Variants in MYOZ2 observed in about 807,000 individuals in gnomAD.
MYOZ2 encodes the protein myozenin 2, also known as myozenin-2.
MYOZ2 carries 19 observed loss-of-function variants against 25.4 expected under a neutral mutation model. That is an observed-to-expected ratio of 0.75 (90% CI 0.52 to 1.10). The LOEUF is 1.10. Among genes scored for constraint, MYOZ2 ranks in the 50% least tolerant of loss-of-function variants. The pLI is 0.00. For missense variants in MYOZ2, 270 were observed against 317.9 expected (o/e 0.85, Z 1.15); for synonymous variants, 92 against 106.9 (o/e 0.86, Z 0.86).
At chr4:119,157,315 C>G (rs928591094) in intron 3 of MYOZ2, among the ~76,000 whole-genome samples, 2 of 152,098 alleles carry the variant, frequency 1.3e-5, no homozygotes, top group African/African-American at 2.4e-5. Flanking sequence ...ACTACGATGT[C>G]TATTTTTTTC....
chr4:119,175,145 C>G (rs556802620), intron 5 of MYOZ2, among the ~76,000 whole-genome samples: 5 of 151,480 alleles, frequency 3.3e-5, no homozygotes, highest in African/African-American at 1.2e-4. Context: ...CACCAATTCC[C>G]GACACAGTAG....
At chr4:119,162,299 G>A (rs1741727140) in intron 4 of MYOZ2, among the ~76,000 whole-genome samples, 1 of 152,144 alleles carries the variant, frequency 6.6e-6, no homozygotes, top group Non-Finnish European at 1.5e-5. Context: ...GAGGCTGGAC[G>A]GGCTTAAGGG....
intron 5 of MYOZ2, among the ~76,000 whole-genome samples, chr4:119,183,241 A>C (rs1165135941): frequency 6.6e-6 from 1 of 152,136 alleles, no homozygotes; most frequent in Non-Finnish European, 1.5e-5. Context: ...GATATAATGA[A>C]AGATATAAAA....
intron 2 of MYOZ2, among the ~76,000 whole-genome samples, chr4:119,146,202 T>G (rs915895325): frequency 2.0e-5 from 3 of 152,092 alleles, no homozygotes; most frequent in Non-Finnish European, 4.4e-5. Flanking sequence ...TTCTCTGTTG[T>G]TTTTCTGTTT....
chr4:119,182,116 T>C (rs1742194805), intron 5 of MYOZ2, among the ~76,000 whole-genome samples: 1 of 152,212 alleles, frequency 6.6e-6, no homozygotes, highest in Non-Finnish European at 1.5e-5. Flanking sequence ...TGTCAAATTA[T>C]ATTGCAAGTT....
chr4:119,141,524 A>C (rs1741158389), intron 2 of MYOZ2, among the ~76,000 whole-genome samples: 1 of 152,150 alleles, frequency 6.6e-6, no homozygotes, highest in Non-Finnish European at 1.5e-5. Context: ...CTGGAATTAC[A>C]GGTGCCTGCC....
At position 119,170,430 on chromosome 4, in the gene MYOZ2, T is replaced by TAG. The variant is rs1410724477; in HGVS notation, c.560+6039_560+6040dup. Among the ~76,000 whole-genome samples the TAG allele has an allele frequency of 2.0e-5, 3 of 152,208 alleles. No homozygotes were observed. The East Asian group carries it at 5.8e-4, about 29-fold the overall frequency. ...ATTGTGATTGGGCAGGGACCATGGA[T>TAG]AGAGCTCTGGAGTGGCTCTTGATAT... On this transcript the variant is annotated intron_variant, in intron 5 of 5. Coordinates refer to ENST00000307128, the MANE Select transcript of MYOZ2 (RefSeq NM_016599.5).
At chr4:119,155,490 C>T (rs577846511) in intron 3 of MYOZ2, among the ~76,000 whole-genome samples, 8 of 152,092 alleles carry the variant, frequency 5.3e-5, no homozygotes, top group South Asian at 2.1e-4. Flanking sequence ...AGAAAGAAGA[C>T]GGAAATTCTA....
intron 5 of MYOZ2, among the ~76,000 whole-genome samples, chr4:119,175,372 G>T (rs768409083): frequency 3.3e-5 from 5 of 152,054 alleles, no homozygotes; most frequent in African/African-American, 9.7e-5. Flanking sequence ...TTCATTTCTG[G>T]AATAAATAAA....
Position 119,185,971 on chromosome 4 carries a change from C to T in MYOZ2, c.566C>T (p.Ala189Val), listed in dbSNP as rs775850657. Residue 189 changes from alanine to valine, a missense_variant, in exon 6 of 6, where the codon GCC becomes GTC. By Grantham distance (64) the Ala-to-Val change is moderately conservative. Coordinates refer to ENST00000307128, the MANE Select transcript of MYOZ2 (RefSeq NM_016599.5). The part of the protein sequence containing the change: ...LPDYRSFNRV[A>V]TPFGGFEKAS... ...TTTTTTTTAATTTCCCACAGGGTTG[C>T]CACACCATTTGGAGGTTTTGAAAAA... The T allele has an allele frequency of 2.5e-6, 4 of 1,612,438 alleles. No individual in the cohort carries two copies. Among genetic ancestry groups the T allele is most frequent in the Non-Finnish European group, 3.4e-6 (4 of 1,179,334 alleles).
At position 119,153,169 on chromosome 4, in the gene MYOZ2, C is replaced by T. The variant is rs944180317; in HGVS notation, c.246+2128C>T. On this transcript the variant is annotated intron_variant, in intron 3 of 5. Transcript: ENST00000307128. The stretch of plus-strand genomic sequence containing the variant: ...TGTCTTTAATGATCTGTGTGTTGCC[C>T]GATCTTAATTCAAAAAATTACCTGC... Among the ~76,000 whole-genome samples, 3 of 151,664 alleles carry T rather than the reference C, an allele frequency of 2.0e-5. No individual in the cohort carries two copies. The East Asian group carries it at 5.8e-4, about 29-fold the overall frequency.
At chr4:119,165,191 C>G (rs536868636) in intron 5 of MYOZ2, among the ~76,000 whole-genome samples, 50 of 150,662 alleles carry the variant, frequency 3.3e-4, no homozygotes, top group African/African-American at 1.0e-3. Context: ...AAAAAGAATG[C>G]CAAATAGACT....
chr4:119,174,914 C>T (rs968113692), intron 5 of MYOZ2, among the ~76,000 whole-genome samples: 5 of 151,998 alleles, frequency 3.3e-5, no homozygotes, highest in South Asian at 4.2e-4. Flanking sequence ...CCAGGAGGAA[C>T]GAACAACTCC....
intron 5 of MYOZ2, among the ~76,000 whole-genome samples, chr4:119,183,614 A>C (rs546096422): frequency 1.6e-4 from 24 of 152,020 alleles, no homozygotes; most frequent in African/African-American, 5.8e-4. Context: ...AGTTGCTAAA[A>C]CTCTAAAGGT....
In MYOZ2 at chr4:119,136,535, C is replaced by G. The variant is rs1741026294; in HGVS notation, c.10C>G (p.His4Asp). Residue 4 changes from histidine to aspartate, a missense_variant, in exon 2 of 6, where the codon CAT becomes GAT. Coordinates refer to ENST00000307128, the MANE Select transcript of MYOZ2 (RefSeq NM_016599.5). Reference sequence around the variant, plus strand: ...AGGGAACAAAAAAACCATGCTATCACATAATACTATGATGAAGCAGAGAAA... The same window carrying G: ...AGGGAACAAAAAAACCATGCTATCAGATAATACTATGATGAAGCAGAGAAA... MLS[H>D]NTMMKQRKQQ... 1 of 1,613,490 alleles carries G rather than the reference C, an allele frequency of 6.2e-7. No homozygotes were observed.
intron 2 of MYOZ2, among the ~76,000 whole-genome samples, chr4:119,147,530 C>T (rs1174093595): frequency 1.3e-5 from 2 of 152,010 alleles, no homozygotes; most frequent in African/African-American, 4.8e-5. Context: ...CACTTGAGGT[C>T]AGGAGTTCGA....
At chr4:119,138,434 A>G (rs912218936) in intron 2 of MYOZ2, among the ~76,000 whole-genome samples, 1 of 152,174 alleles carries the variant, frequency 6.6e-6, no homozygotes, top group African/African-American at 2.4e-5. Context: ...TGTGTATAGC[A>G]TGATGTTTAG....
intron 2 of MYOZ2, among the ~76,000 whole-genome samples, chr4:119,144,788 T>C (rs1741248708): frequency 6.6e-6 from 1 of 152,216 alleles, no homozygotes; most frequent in South Asian, 2.1e-4. Context: ...CACATTCTAA[T>C]TGGATTGTTT....
At chr4:119,175,445 C>A (rs532581574) in intron 5 of MYOZ2, among the ~76,000 whole-genome samples, 16 of 152,232 alleles carry the variant, frequency 1.1e-4, no homozygotes, top group African/African-American at 3.9e-4. Context: ...TCTATTGCAT[C>A]TAATGGATAA....
Sources: allele counts gnomAD v4.1 joint callset (sites outside exome capture counted in the v4.1 genomes callset), GRCh38; gene constraint gnomAD v4.1.1; transcripts MANE v1.5; gene names NCBI Gene and HGNC (gene_info 2026-07-23, HGNC 2026-07-21).